Variants in PTPRF observed in about 807,000 individuals in gnomAD.
The protein encoded by PTPRF is protein tyrosine phosphatase receptor type F.
Under a neutral mutation model 201.8 loss-of-function variants are expected in PTPRF, and 59 were observed. The observed-to-expected ratio is 0.29, with a 90% CI of 0.24 to 0.36. The LOEUF (loss-of-function observed/expected upper bound fraction) is 0.36, where lower values mean the gene tolerates loss of function less well. Ranked by LOEUF, PTPRF falls within the 10% of genes least tolerant of loss-of-function variation. The pLI is 1.00. For missense variants in PTPRF, 2,132 were observed against 2,690.5 expected (o/e 0.79, Z 4.59); for synonymous variants, 1,088 against 1,089.7 (o/e 1.00, Z 0.03).
chr1:43,618,484 A>G (rs1570725088), intron 25 of PTPRF, 146 bp from the exon 26 acceptor site: 10 of 929,030 alleles, frequency 1.1e-5, no homozygotes, highest in Admixed American at 9.9e-5. Context: ...CTTGTGGAGG[A>G]CAGGGGGCAA....
In PTPRF at chr1:43,592,446, G is replaced by C. The variant is rs377239292; in HGVS notation, c.1669-11G>C. The stretch of plus-strand genomic sequence containing the variant: ...TCAGAGCTGTCAGTGAGTGCTCCCT[G>C]CTCTTCCCAGCACAAGGTGACCTTC... On this transcript the variant is annotated splice_polypyrimidine_tract_variant and intron_variant, in intron 10 of 33. Transcript: ENST00000359947. The C allele has an allele frequency of 3.8e-6, 6 of 1,599,586 alleles. No individual in the cohort carries two copies. The African/African-American group carries it at 8.0e-5, about 21-fold the overall frequency.
intron 24 of PTPRF, 80 bp downstream of exon 24, chr1:43,617,648 T>A (rs1658193843): frequency 1.2e-6 from 2 of 1,604,078 alleles, no homozygotes; most frequent in African/African-American, 1.3e-5. Context: ...ACAGAGGATG[T>A]CCACGAGTCT....
chr1:43,597,089 G>A (rs915046723), intron 11 of PTPRF, among the ~76,000 whole-genome samples: 2 of 151,966 alleles, frequency 1.3e-5, no homozygotes, highest in African/African-American at 2.4e-5. Flanking sequence ...ATGAGAGACT[G>A]TGTATTTACT....
Position 43,597,733 on chromosome 1 carries a change from A to AAT in PTPRF, c.1814-15_1814-14insAT. On this transcript the variant is annotated splice_polypyrimidine_tract_variant and intron_variant, in intron 11 of 33. Coordinates refer to ENST00000359947, the MANE Select transcript of PTPRF (RefSeq NM_002840.5). Reference sequence around the variant, plus strand: ...CCCTCCATCTGCTTGCTTCCCCCCCATTTGTCTTCCCCAGCCCCCTCCGCC... The same window carrying AAT: ...CCCTCCATCTGCTTGCTTCCCCCCCAATTTTGTCTTCCCCAGCCCCCTCCGCC... The AAT allele has an allele frequency of 2.1e-6, 1 of 479,822 alleles. No homozygotes were observed. Among genetic ancestry groups the AAT allele is most frequent in the Non-Finnish European group, 3.0e-6 (1 of 327,974 alleles). The allele number at this position is 479,822 out of a possible 1,614,324, so 29.7% of individuals were successfully genotyped here. A position where few individuals can be genotyped will look rare whatever the true frequency, so the allele number is the denominator to read the frequency against.
chr1:43,544,096 T>C (rs1334918625), intron 2 of PTPRF, among the ~76,000 whole-genome samples: 2 of 152,170 alleles, frequency 1.3e-5, no homozygotes, highest in Non-Finnish European at 2.9e-5. Context: ...GCCTTGGAAG[T>C]AAAGGCCTAG....
At chr1:43,606,749 A>G (rs539096) in intron 20 of PTPRF, 65 bp from the exon 21 acceptor site, 1,204,402 of 1,575,722 alleles carry the variant, frequency 0.76, 464,076 homozygotes, top group African/African-American at 0.86. Flanking sequence ...CTCCAGGATT[A>G]ATAGGCAGAG....
chr1:43,590,929 A>C (rs1557786751), intron 8 of PTPRF, 43 bp from the exon 9 acceptor site: 1 of 1,541,138 alleles, frequency 6.5e-7, no homozygotes, highest in Non-Finnish European at 8.8e-7. Flanking sequence ...GTTCCTAAGG[A>C]TCTTGACCTC....
chr1:43,570,843 G>T (rs991306749), intron 6 of PTPRF, among the ~76,000 whole-genome samples: 39 of 152,244 alleles, frequency 2.6e-4, no homozygotes, highest in Admixed American at 2.1e-3. Flanking sequence ...CAGCTGTAGC[G>T]CAGTTAATTA....
chr1:43,595,927 C>T (rs918170598), intron 11 of PTPRF, among the ~76,000 whole-genome samples: 1 of 152,030 alleles, frequency 6.6e-6, no homozygotes, highest in Non-Finnish European at 1.5e-5. Context: ...GGGGCAGAAA[C>T]AGGCAGCATG....
At position 43,617,440 on chromosome 1, in the gene PTPRF, T is replaced by C. The variant is rs575861099; in HGVS notation, c.4072-5T>C. ...CACCCCACCCGCTTTCTCCATTCTC[T>C]GCAGTCCATCGACCCTGGACAGCAG... On this transcript the variant is annotated splice_polypyrimidine_tract_variant and splice_region_variant and intron_variant, in intron 23 of 33. Transcript: ENST00000359947. 1.3e-5 allele frequency: 21 copies of C among 1,614,106 alleles called. No homozygotes were observed. The African/African-American group carries it at 2.5e-4, about 19-fold the overall frequency.
rs1644404677 is a variant in PTPRF at position 43,542,226 on chromosome 1, G to A, written c.-45-2805G>A. 6.6e-6 allele frequency among the ~76,000 whole-genome samples: 1 copy of A among 152,180 alleles called. No homozygotes were observed. Among genetic ancestry groups the A allele is most frequent in the Admixed American group, 6.5e-5 (1 of 15,280 alleles). On this transcript the variant is annotated intron_variant, in intron 2 of 33. Transcript: ENST00000359947. This position sits in a 1 kb window ranked among gnomAD's most constrained non-coding sequence, Gnocchi z 5.2. ...CGCCTGACACCAGGGCAGGCTCTGT[G>A]CCCGGAGTCTCAGGGCGGGAGGCAG...
intron 6 of PTPRF, among the ~76,000 whole-genome samples, chr1:43,570,011 G>C (rs1429939157): frequency 1.3e-5 from 2 of 152,192 alleles, no homozygotes; most frequent in East Asian, 3.9e-4. Flanking sequence ...GGCCAGTTCT[G>C]CCCCTCCCAG....
At chr1:43,614,504 C>T (rs1044749427) in intron 23 of PTPRF, among the ~76,000 whole-genome samples, 14 of 152,190 alleles carry the variant, frequency 9.2e-5, no homozygotes, top group African/African-American at 3.4e-4. Flanking sequence ...CTCTGAGCAT[C>T]CCCAGGCTGC....
rs141040019 is a variant in PTPRF, at chr1:43,599,407, A to G, written c.2313+494A>G. ...GGGTTTTGAGATGTGCCTTTCCCCT[A>G]GACAGTGCTGGGCTGGCATCCACTC... On this transcript the variant is annotated intron_variant, in intron 13 of 33. Transcript: ENST00000359947. Among the ~76,000 whole-genome samples, 218 of 152,238 alleles carry G rather than the reference A, an allele frequency of 1.4e-3. 1 individual carries two copies. Among genetic ancestry groups the G allele is most frequent in the African/African-American group, 5.1e-3 (213 of 41,532 alleles).
chr1:43,579,641 T>C (rs1350496996), intron 7 of PTPRF: 1 of 206,182 alleles, frequency 4.9e-6, no homozygotes, highest in East Asian at 1.2e-4. Flanking sequence ...AGCCTAGGGG[T>C]GACTAAAGCT....
At position 43,591,053 on chromosome 1, in the gene PTPRF, C is replaced by T. The variant is rs895500892; in HGVS notation, c.1031C>T (p.Ser344Leu). Residue 344 changes from serine to leucine, a missense_variant, in exon 9 of 34, where the codon TCG (serine) becomes TTG (leucine). Transcript: ENST00000359947. ...SVTLTWDSGNSEPVTYYGIQY... is the reference protein window; with the variant it reads ...SVTLTWDSGNLEPVTYYGIQY... ...ACCCTCACCTGGGACTCTGGGAACT[C>T]GGAGCCTGTAACCTACTATGGCATC... is the stretch of plus-strand genomic sequence containing the variant. 19 of 1,614,024 alleles carry T rather than the reference C, an allele frequency of 1.2e-5. No homozygotes were observed. Among genetic ancestry groups the T allele is most frequent in the Non-Finnish European group, 1.6e-5 (19 of 1,180,032 alleles).
intron 1 of PTPRF, among the ~76,000 whole-genome samples, chr1:43,535,457 C>T (rs1176466925): frequency 3.3e-5 from 5 of 152,122 alleles, no homozygotes; most frequent in East Asian, 1.9e-4. Context: ...TCTGTGTGAC[C>T]GTGACTTCTA....
At position 43,604,286 on chromosome 1, in the gene PTPRF, C is replaced by T. The variant is rs1000426307; in HGVS notation, c.3037+97C>T. 2.9e-5 allele frequency: 37 copies of T among 1,293,934 alleles called. No individual in the cohort carries two copies. In the African/African-American group the frequency reaches 5.2e-4, roughly 18 times the overall value. 80.2% of individuals were successfully genotyped at this position (1,293,934 alleles called of 1,614,324 possible). ...CTGACCTCTGGCGACTGTGATCCAC[C>T]AGCCTCTGGTGTGTGACCTCCAATC... On this transcript the variant is annotated intron_variant, in intron 16 of 33. Transcript: ENST00000359947.
intron 1 of PTPRF, chr1:43,532,592 A>G: frequency 5.5e-6 from 1 of 181,068 alleles, no homozygotes. Flanking sequence ...CTGAGAAGGG[A>G]AGATCTGGTG....
Sources: gnomAD v4.1 joint callset for allele counts (sites outside exome capture counted in the v4.1 genomes callset) on GRCh38, gnomAD v4.1.1 for gene constraint, Gnocchi (gnomAD v3.1) non-coding constraint, MANE v1.5 for transcripts, NCBI Gene and HGNC (gene_info 2026-07-23, HGNC 2026-07-21) for gene names.